ATP6V1H: variants seen among roughly 807,000 people sequenced by gnomAD.
ATP6V1H encodes V-type proton ATPase subunit H.
A neutral mutation model predicts 71.7 loss-of-function variants in ATP6V1H; 39 were observed. The observed-to-expected ratio is 0.54, with a 90% CI of 0.42 to 0.71. The LOEUF (loss-of-function observed/expected upper bound fraction) is 0.71, where lower values mean the gene tolerates loss of function less well. Ranked by LOEUF, ATP6V1H falls within the 30% of genes least tolerant of loss-of-function variation. ATP6V1H has a pLI of 0.00. For missense variants in ATP6V1H, 509 were observed against 594.9 expected (o/e 0.86, Z 1.50); for synonymous variants, 192 against 199.3 (o/e 0.96, Z 0.31).
At position 53,796,663 on chromosome 8, in the gene ATP6V1H, A is replaced by G. The variant is rs1269554575; in HGVS notation, c.678-824T>C. ...AACACAAAGAGTGAGCCCTAATATA[A>G]GCTATGGAAACTTACTAATAAAAAT... On this transcript the variant is annotated intron_variant, in intron 8 of 13. Coordinates refer to ENST00000359530, the MANE Select transcript of ATP6V1H (RefSeq NM_015941.4). Among the ~76,000 whole-genome samples, 5 of 152,180 alleles carry G rather than the reference A, an allele frequency of 3.3e-5. No homozygotes were observed. The East Asian group carries it at 9.6e-4, about 29-fold the overall frequency.
chr8:53,843,170 G>C lies in ATP6V1H; in HGVS notation c.-172C>G, dbSNP rs1313046748. The C allele has an allele frequency of 6.6e-6, 1 of 152,424 alleles. No individual in the cohort carries two copies. Among genetic ancestry groups the C allele is most frequent in the Non-Finnish European group, 1.5e-5 (1 of 68,188 alleles). 9.4% of individuals were successfully genotyped at this position (152,424 alleles called of 1,614,324 possible). On this transcript the variant is annotated 5_prime_UTR_variant, in exon 1 of 14. Transcript: ENST00000359530. ...CCTGTCAGGTCCAGAGGTCTGAGCA[G>C]TGGAGGGAGACTCCGGGAGCCGAAA...
chr8:53,742,301 C>G (rs1193551978), intron 13 of ATP6V1H, among the ~76,000 whole-genome samples: 1 of 152,146 alleles, frequency 6.6e-6, no homozygotes, highest in East Asian at 1.9e-4. Context: ...CACTAGGTGC[C>G]AGTAGCACCT....
chr8:53,836,091 G>GA lies in ATP6V1H; in HGVS notation c.114-3006dup, dbSNP rs1346004808. On this transcript the variant is annotated intron_variant, in intron 2 of 13. Transcript: ENST00000359530. ...GCTAAGCACTTCACGTACCGGTCAG[G>GA]AAAAAATGCACTCTGCACCCTGGGG... 4.6e-5 allele frequency among the ~76,000 whole-genome samples: 7 copies of GA among 152,196 alleles called. No individual in the cohort carries two copies. In the South Asian group the frequency reaches 8.3e-4, roughly 18 times the overall value.
intron 11 of ATP6V1H, among the ~76,000 whole-genome samples, chr8:53,768,739 C>T (rs1015829444): frequency 1.3e-5 from 2 of 151,940 alleles, no homozygotes; most frequent in African/African-American, 4.8e-5. Flanking sequence ...ACAGGCAAAT[C>T]GAGATATTGG....
chr8:53,841,482 T>C (rs1252933116), intron 2 of ATP6V1H, 96 bp downstream of exon 2: 1 of 1,370,740 alleles, frequency 7.3e-7, no homozygotes, highest in African/African-American at 1.4e-5. Flanking sequence ...CATTTTTCAG[T>C]ATTTTCCCTG....
chr8:53,815,722 T>C (rs1176630148), intron 5 of ATP6V1H, among the ~76,000 whole-genome samples: 1 of 152,198 alleles, frequency 6.6e-6, no homozygotes, highest in Non-Finnish European at 1.5e-5. Context: ...CATCTTACTG[T>C]CACAAAATAG....
intron 3 of ATP6V1H, chr8:53,832,557 C>T (rs1212216413): frequency 2.0e-5 from 3 of 152,126 alleles, no homozygotes; most frequent in Admixed American, 2.0e-4. Context: ...AAGAATGCCA[C>T]CGCCAAAAAA....
At chr8:53,793,580 G>A (rs1359563334) in intron 9 of ATP6V1H, among the ~76,000 whole-genome samples, 1 of 152,058 alleles carries the variant, frequency 6.6e-6, no homozygotes, top group Non-Finnish European at 1.5e-5. Flanking sequence ...AGGAGTCCGA[G>A]GTTGCAGTAA....
chr8:53,725,856 G>A (rs1806792093), intron 13 of ATP6V1H, among the ~76,000 whole-genome samples: 1 of 151,984 alleles, frequency 6.6e-6, no homozygotes, highest in African/African-American at 2.4e-5. Context: ...AGAGCTCTAA[G>A]TTTCAAACTG....
intron 11 of ATP6V1H, among the ~76,000 whole-genome samples, chr8:53,767,672 G>A (rs1808518065): frequency 6.6e-6 from 1 of 152,118 alleles, no homozygotes; most frequent in South Asian, 2.1e-4. Context: ...CATGTCTATA[G>A]TCAATTGATT....
intron 13 of ATP6V1H, among the ~76,000 whole-genome samples, chr8:53,719,318 G>A (rs1331199997): frequency 1.3e-5 from 2 of 151,804 alleles, no homozygotes; most frequent in African/African-American, 2.4e-5. Context: ...TTACAGGCAC[G>A]CACCACCACG....
chr8:53,795,079 A>G (rs561387774), intron 9 of ATP6V1H, among the ~76,000 whole-genome samples: 1 of 152,330 alleles, frequency 6.6e-6, no homozygotes, highest in South Asian at 2.1e-4. Context: ...GTAGCCAATT[A>G]GCAACGTGAA....
At position 53,756,613 on chromosome 8, in the gene ATP6V1H, A is replaced by G. The variant is rs377121895; in HGVS notation, c.1219T>C (p.Leu407=). The G allele has an allele frequency of 1.2e-6, 2 of 1,614,056 alleles. No individual in the cohort carries two copies. The highest frequency in any genetic ancestry group is 1.7e-6 in the Non-Finnish European group (2 of 1,180,002). Residue 407 remains leucine, a synonymous_variant, in exon 12 of 14, where the codon TTA becomes CTA. Coordinates refer to ENST00000359530, the MANE Select transcript of ATP6V1H (RefSeq NM_015941.4). ...LLEVSDDPQV[L]AVAAHDVGEY... is the part of the protein sequence containing the mutation. ...CCAACATCGTGAGCAGCAACAGCTA[A>G]GACTTGGGGATCATCTGACACTTCC...
intron 8 of ATP6V1H, among the ~76,000 whole-genome samples, chr8:53,796,269 T>C (rs946923031): frequency 2.6e-5 from 4 of 152,010 alleles, no homozygotes; most frequent in African/African-American, 7.2e-5. Flanking sequence ...GGGTTCAAAT[T>C]TGACATAGCC....
In ATP6V1H at chr8:53,769,951, C is replaced by A. The variant is rs182449666; in HGVS notation, c.1050-208G>T. Reference sequence around the variant, plus strand: ...TTTATTCAGTGTAGTAAGGTCCAACCCTCCTGTCAAATTTGAATGCTGGGT... The same window carrying A: ...TTTATTCAGTGTAGTAAGGTCCAACACTCCTGTCAAATTTGAATGCTGGGT... On this transcript the variant is annotated intron_variant, in intron 10 of 13. Transcript: ENST00000359530. Among the ~76,000 whole-genome samples the A allele has an allele frequency of 2.2e-3, 337 of 152,044 alleles. 2 individuals carry two copies. The highest frequency in any genetic ancestry group is 7.8e-3 in the African/African-American group (324 of 41,484).
chr8:53,723,514 C>T (rs1351100961), intron 13 of ATP6V1H, among the ~76,000 whole-genome samples: 1 of 152,166 alleles, frequency 6.6e-6, no homozygotes, highest in Admixed American at 6.5e-5. Flanking sequence ...TTTTCCACAG[C>T]CTTCAGGAAA....
chr8:53,772,037 T>A lies in ATP6V1H; in HGVS notation c.1001A>T (p.Asp334Val). The A allele has an allele frequency of 6.2e-7, 1 of 1,614,144 alleles. No homozygotes were observed. Among genetic ancestry groups the A allele is most frequent in the Non-Finnish European group, 8.5e-7 (1 of 1,179,990 alleles). Residue 334 changes from aspartate to valine, a missense_variant, in exon 10 of 14, where the codon GAT becomes GTT. By Grantham distance (152) the Asp-to-Val change is radical. Transcript: ENST00000359530. ...QKYDDEDISE[D>V]IKFLLEKLGE... is the part of the protein sequence containing the mutation. ...AAGTTTTTCCAAAAGAAATTTGATATCTTCGCTGATATCTTCATCATCGTA... is the reference window on the plus strand; with the variant it reads ...AAGTTTTTCCAAAAGAAATTTGATAACTTCGCTGATATCTTCATCATCGTA...
At chr8:53,817,346 TG>T in intron 5 of ATP6V1H, 70 bp downstream of exon 5, 1 of 1,052,404 alleles carries the variant, frequency 9.5e-7, no homozygotes, top group Non-Finnish European at 1.4e-6. Flanking sequence ...AAGACCAGCC[TG>T]GACAACATAG....
intron 2 of ATP6V1H, among the ~76,000 whole-genome samples, chr8:53,838,127 C>CTTTTT (rs11388813): frequency 6.8e-6 from 1 of 146,326 alleles, no homozygotes; most frequent in African/African-American, 2.5e-5. Flanking sequence ...CTGTTACTGT[C>CTTTTT]TTTTTTTTTT....
Sources: gnomAD v4.1 joint callset for allele counts (sites outside exome capture counted in the v4.1 genomes callset) on GRCh38, gnomAD v4.1.1 for gene constraint, MANE v1.5 for transcripts, NCBI Gene and HGNC (gene_info 2026-07-23, HGNC 2026-07-21) for gene names.